Variants in PDZRN4 observed in about 807,000 individuals in gnomAD.
PDZRN4 encodes PDZ domain containing ring finger 4.
A neutral mutation model predicts 99.0 loss-of-function variants in PDZRN4; 70 were observed. The ratio of observed to expected loss-of-function variants is 0.71; its 90% CI spans 0.58 to 0.86. PDZRN4 has a LOEUF of 0.86. Among genes scored for constraint, PDZRN4 ranks in the 40% least tolerant of loss-of-function variants. PDZRN4 has a pLI of 0.00. For synonymous variants in PDZRN4, 551 were observed against 501.6 expected, an observed-to-expected ratio of 1.10 and a Z score of -1.32; for missense variants, 1,474 against 1,331.2, an observed-to-expected ratio of 1.11 and a Z score of -1.67.
chr12:41,432,580 A>T (rs1372073618), intron 3 of PDZRN4, among the ~76,000 whole-genome samples: 1 of 152,194 alleles, frequency 6.6e-6, no homozygotes, highest in South Asian at 2.1e-4. Flanking sequence ...GGGCTCAAAG[A>T]TCAATTAAAT....
rs183387702 is a variant in PDZRN4, at chr12:41,454,739, G to A, written c.844-51717G>A. ...GGTCCACATTTTCAGCAATATTAGT[G>A]ATCATGTGCTATACAAATACTTGAC... On this transcript the variant is annotated intron_variant, in intron 3 of 9. Transcript: ENST00000402685. Among the ~76,000 whole-genome samples, 4 of 152,312 alleles carry A rather than the reference G, an allele frequency of 2.6e-5. No individual in the cohort carries two copies. In the East Asian group the frequency reaches 7.7e-4, roughly 29 times the overall value.
intron 2 of PDZRN4, 58 bp downstream of exon 2, chr12:41,191,602 T>C: frequency 1.3e-6 from 1 of 795,324 alleles, no homozygotes; most frequent in Admixed American, 2.1e-5. Flanking sequence ...TAATAAGCAT[T>C]ACTCATTGCT....
intron 3 of PDZRN4, among the ~76,000 whole-genome samples, chr12:41,432,570 G>A (rs1434664322): frequency 6.6e-6 from 1 of 152,078 alleles, no homozygotes; most frequent in Non-Finnish European, 1.5e-5. Flanking sequence ...TGAGTTTTGG[G>A]GGCTCAAAGA....
At chr12:41,261,319 A>T (rs1951238193) in intron 3 of PDZRN4, among the ~76,000 whole-genome samples, 1 of 152,220 alleles carries the variant, frequency 6.6e-6, no homozygotes, top group Non-Finnish European at 1.5e-5. Flanking sequence ...AAATATACCT[A>T]AGGGAAAATG....
intron 3 of PDZRN4, among the ~76,000 whole-genome samples, chr12:41,465,026 T>C (rs912112517): frequency 1.3e-5 from 2 of 152,130 alleles, no homozygotes; most frequent in South Asian, 4.1e-4. Context: ...GGTTTTGCCA[T>C]ATTGGCCAGG....
At chr12:41,261,035 G>T (rs1310737340) in intron 3 of PDZRN4, among the ~76,000 whole-genome samples, 1 of 152,072 alleles carries the variant, frequency 6.6e-6, no homozygotes, top group African/African-American at 2.4e-5. Flanking sequence ...AATTGGTGAT[G>T]CAGAAAGATG....
intron 2 of PDZRN4, among the ~76,000 whole-genome samples, chr12:41,193,335 C>A (rs1326850526): frequency 6.6e-6 from 1 of 152,124 alleles, no homozygotes; most frequent in Non-Finnish European, 1.5e-5. Flanking sequence ...GTCATGAAGT[C>A]AAATGACATT....
chr12:41,229,906 T>C (rs981225690), intron 3 of PDZRN4, among the ~76,000 whole-genome samples: 3 of 152,108 alleles, frequency 2.0e-5, no homozygotes, highest in Non-Finnish European at 4.4e-5. Context: ...TTAAATACAA[T>C]AATTTTTGTT....
intron 3 of PDZRN4, among the ~76,000 whole-genome samples, chr12:41,272,604 T>C (rs551469909): frequency 1.3e-5 from 2 of 152,190 alleles, no homozygotes; most frequent in South Asian, 4.1e-4. Context: ...GCAAAGGCAC[T>C]GGTGTGTTTA....
intron 3 of PDZRN4, among the ~76,000 whole-genome samples, chr12:41,407,028 T>G (rs1347619494): frequency 6.6e-6 from 1 of 152,162 alleles, no homozygotes; most frequent in African/African-American, 2.4e-5. Flanking sequence ...AAATGCCTGA[T>G]TGATGAGCAT....
intron 3 of PDZRN4, among the ~76,000 whole-genome samples, chr12:41,222,734 A>G (rs1329144257): frequency 1.3e-5 from 2 of 152,098 alleles, no homozygotes; most frequent in Non-Finnish European, 2.9e-5. Flanking sequence ...CATATTGGCC[A>G]GGGTGATCTC....
chr12:41,348,324 A>G (rs764537255), intron 3 of PDZRN4, among the ~76,000 whole-genome samples: 6 of 152,104 alleles, frequency 3.9e-5, no homozygotes, highest in Non-Finnish European at 5.9e-5. Context: ...GGATCTGCTA[A>G]GTCAAGATAA....
chr12:41,312,493 A>G (rs1325412465), intron 3 of PDZRN4, among the ~76,000 whole-genome samples: 3 of 152,146 alleles, frequency 2.0e-5, no homozygotes, highest in African/African-American at 7.2e-5. Flanking sequence ...TGCCGCTAAT[A>G]AAGACATATC....
intron 3 of PDZRN4, among the ~76,000 whole-genome samples, chr12:41,196,061 T>A (rs1419315842): frequency 1.3e-5 from 2 of 152,134 alleles, no homozygotes; most frequent in African/African-American, 2.4e-5. Context: ...AGAAAAAGAA[T>A]TTTTTATATT....
chr12:41,378,442 T>C (rs1952097503), intron 3 of PDZRN4, among the ~76,000 whole-genome samples: 1 of 152,104 alleles, frequency 6.6e-6, no homozygotes, highest in East Asian at 1.9e-4. Context: ...TCTTTTCTTG[T>C]ATTGTCTTTA....
At position 41,552,663 on chromosome 12, in the gene PDZRN4, A is replaced by T. The variant is rs1939078580; in HGVS notation, c.1211A>T (p.Glu404Val). Residue 404 changes from glutamate to valine, a missense_variant, in exon 6 of 10, where the codon GAG becomes GTG. Glu to Val is a moderately radical substitution (Grantham distance 121). Coordinates refer to ENST00000402685, the MANE Select transcript of PDZRN4 (RefSeq NM_001164595.2). Reference protein sequence around the residue: ...RTEDFEYEEVELCRVSSQEKL... With the variant: ...RTEDFEYEEVVLCRVSSQEKL... ...TGTGTGTTGTTCTTTCAGGAGGTCGAGTTGTGTCGTGTTAGCAGTCAAGAG... is the reference window on the plus strand; with the variant it reads ...TGTGTGTTGTTCTTTCAGGAGGTCGTGTTGTGTCGTGTTAGCAGTCAAGAG... 3 of 1,613,048 alleles carry T rather than the reference A, an allele frequency of 1.9e-6. No individual in the cohort carries two copies. Among genetic ancestry groups the T allele is most frequent in the Non-Finnish European group, 8.5e-7 (1 of 1,179,146 alleles).
In PDZRN4 at chr12:41,249,038, C is replaced by G. The variant is rs546385880; in HGVS notation, c.843+54850C>G. ...TTCCCAGTATTTATCTTAAATTACT[C>G]TGAAGTAAAAGCTTCTTGGTTATTA... On this transcript the variant is annotated intron_variant, in intron 3 of 9. Transcript: ENST00000402685. Among the ~76,000 whole-genome samples the G allele has an allele frequency of 2.0e-5, 3 of 152,184 alleles. No homozygotes were observed. In the South Asian group the frequency reaches 6.2e-4, roughly 32 times the overall value.
intron 3 of PDZRN4, among the ~76,000 whole-genome samples, chr12:41,235,903 AT>A (rs199520500): frequency 5.3e-5 from 8 of 152,102 alleles, no homozygotes; most frequent in East Asian, 1.9e-4. Context: ...TATAACACTC[AT>A]TTTTTTTCAT....
intron 3 of PDZRN4, among the ~76,000 whole-genome samples, chr12:41,351,802 A>G (rs1378691574): frequency 1.3e-5 from 2 of 151,972 alleles, no homozygotes; most frequent in Non-Finnish European, 2.9e-5. Context: ...TTTGGAGAAC[A>G]CTCAATATCA....
Sources: allele counts gnomAD v4.1 joint callset (sites outside exome capture counted in the v4.1 genomes callset), GRCh38; gene constraint gnomAD v4.1.1; transcripts MANE v1.5; gene names NCBI Gene and HGNC (gene_info 2026-07-23, HGNC 2026-07-21).